Variants in PLA2G4E observed in about 807,000 individuals in gnomAD.
PLA2G4E encodes phospholipase A2 group IVE.
Under a neutral mutation model 109.1 loss-of-function variants are expected in PLA2G4E, and 84 were observed. That is an observed-to-expected ratio of 0.77 (90% confidence interval 0.65 to 0.92). The LOEUF (loss-of-function observed/expected upper bound fraction) is 0.92. Ranked by LOEUF, PLA2G4E falls within the 40% of genes least tolerant of loss-of-function variation. PLA2G4E has a pLI of 0.00. For synonymous variants in PLA2G4E, 469 were observed against 436.1 expected (o/e 1.08, Z -0.94); for missense variants, 1,057 against 1,076.6 (o/e 0.98, Z 0.25).
At chr15:42,019,182 C>T (rs894453298) in intron 1 of PLA2G4E, among the ~76,000 whole-genome samples, 19 of 152,328 alleles carry the variant, frequency 1.2e-4, no homozygotes, top group African/African-American at 4.6e-4. Flanking sequence ...ATGTACAGCA[C>T]CAGCTAGCAG....
intron 1 of PLA2G4E, among the ~76,000 whole-genome samples, chr15:42,040,322 G>A (rs564440270): frequency 3.7e-4 from 57 of 152,242 alleles, no homozygotes; most frequent in Non-Finnish European, 7.1e-4. Flanking sequence ...ATTAACAGGG[G>A]AAGGACAGGT....
intron 1 of PLA2G4E, among the ~76,000 whole-genome samples, chr15:42,024,579 G>A (rs922891962): frequency 6.6e-6 from 1 of 152,126 alleles, no homozygotes; most frequent in Non-Finnish European, 1.5e-5. Context: ...CCCAGTGGAT[G>A]CCACTCCCCT....
chr15:42,020,015 C>T (rs950360277), intron 1 of PLA2G4E, among the ~76,000 whole-genome samples: 9 of 152,358 alleles, frequency 5.9e-5, no homozygotes, highest in Admixed American at 5.2e-4. Flanking sequence ...GGTGGCCAGA[C>T]GCCCTTCCAG....
In PLA2G4E at chr15:42,005,994, G is replaced by A. The variant is rs763377151; in HGVS notation, c.521C>T (p.Pro174Leu). The change falls in exon 4 of 20, where the codon CCG becomes CTG. Residue 174 changes from proline (P) to leucine (L), a missense_variant. Coordinates refer to ENST00000399518, the Ensembl canonical transcript of PLA2G4E. ...GGGCCTGTACCCTGCACCCACCTGC[G>A]GGTTGAGTGGAAACTTCACGTGGGT... The A allele has an allele frequency of 4.7e-5, 76 of 1,613,674 alleles. No homozygotes were observed. The highest frequency in any genetic ancestry group is 5.9e-5 in the Non-Finnish European group (70 of 1,179,746).
At chr15:42,035,488 C>G (rs1394939452) in intron 1 of PLA2G4E, among the ~76,000 whole-genome samples, 1 of 152,224 alleles carries the variant, frequency 6.6e-6, no homozygotes, top group Non-Finnish European at 1.5e-5. Flanking sequence ...GAGAGGCAAC[C>G]ATGCTTTCCC....
exon 17 of PLA2G4E, chr15:41,987,333 T>C: frequency 6.2e-7 from 1 of 1,613,934 alleles, no homozygotes; most frequent in Non-Finnish European, 8.5e-7. Context: ...CTCCAGGATG[T>C]TAGCATCACA....
intron 1 of PLA2G4E, among the ~76,000 whole-genome samples, chr15:42,016,891 A>G (rs113189388): frequency 2.2e-4 from 33 of 152,242 alleles, no homozygotes; most frequent in African/African-American, 6.8e-4. Flanking sequence ...AGCCATGCAC[A>G]CTGCTTCTCT....
intron 14 of PLA2G4E, 58 bp downstream of exon 14, chr15:41,990,063 G>T: frequency 1.4e-6 from 2 of 1,398,072 alleles, no homozygotes; most frequent in Non-Finnish European, 1.0e-6. Flanking sequence ...GGGTGCTTTT[G>T]CCCACCAAGA....
At chr15:41,994,493 G>C (rs1276881879) in intron 12 of PLA2G4E, among the ~76,000 whole-genome samples, 1 of 152,130 alleles carries the variant, frequency 6.6e-6, no homozygotes, top group Non-Finnish European at 1.5e-5. Flanking sequence ...GCCACGCAGG[G>C]TTTTGATGGG....
In PLA2G4E at chr15:41,987,942, TCACCCAGCCATGAGGGAAAG is replaced by T. The variant is rs2068172288; in HGVS notation, c.1831+87_1831+106del. 9 of 489,168 alleles carry T rather than the reference TCACCCAGCCATGAGGGAAAG, an allele frequency of 1.8e-5. No homozygotes were observed. In the African/African-American group the frequency reaches 2.0e-4, roughly 11 times the overall value. The allele number at this position is 489,168 out of a possible 1,614,324, so 30.3% of individuals were successfully genotyped here. A position where few individuals can be genotyped will look rare whatever the true frequency, so the allele number is the denominator to read the frequency against. On this transcript the variant is annotated intron_variant, in intron 16 of 19. Transcript: ENST00000399518. ...AGGGAAAGCCGGGGGCCGCCCCCCA[TCACCCAGCCATGAGGGAAAG>T]CCGGGGGCCGCCCCCCATCACCCAG...
intron 1 of PLA2G4E, among the ~76,000 whole-genome samples, chr15:42,021,765 T>G (rs1368480657): frequency 6.6e-6 from 1 of 152,194 alleles, no homozygotes; most frequent in Non-Finnish European, 1.5e-5. Flanking sequence ...CAGCTTTGCC[T>G]GTTCTGCTGC....
chr15:41,987,225 C>T lies in PLA2G4E; in HGVS notation c.1982G>A (p.Gly661Glu), dbSNP rs2068156354. Reference sequence around the variant, plus strand: ...GAGGTAGTTGGTGTGCAGCTGCAGCCCAGACAGGAAGTTGTGAAACTCAGA... The same window carrying T: ...GAGGTAGTTGGTGTGCAGCTGCAGCTCAGACAGGAAGTTGTGAAACTCAGA... Residue 661 changes from glycine to glutamate, a missense_variant, in exon 17 of 20, where the codon GGG (glycine) becomes GAG (glutamate). Coordinates refer to ENST00000399518, the Ensembl canonical transcript of PLA2G4E. 1.9e-6 allele frequency: 3 copies of T among 1,613,852 alleles called. No homozygotes were observed. Among genetic ancestry groups the T allele is most frequent in the Non-Finnish European group, 2.5e-6 (3 of 1,179,902 alleles).
intron 1 of PLA2G4E, among the ~76,000 whole-genome samples, chr15:42,030,538 A>T (rs1451716737): frequency 6.6e-6 from 1 of 152,220 alleles, no homozygotes. Flanking sequence ...AGAAATCTGC[A>T]CGTTTGTGGA....
intron 6 of PLA2G4E, 80 bp downstream of exon 6, chr15:42,002,574 T>A (rs2068432586): frequency 6.9e-7 from 1 of 1,450,030 alleles, no homozygotes; most frequent in East Asian, 2.5e-5. Context: ...GGCCCACTGT[T>A]TTCTCCCTTG....
chr15:42,007,968 G>T, intron 2 of PLA2G4E, 103 bp from the exon 3 acceptor site: 3 of 1,279,340 alleles, frequency 2.3e-6, no homozygotes, highest in Non-Finnish European at 3.3e-6. Flanking sequence ...CCCCATCTCA[G>T]CTCCAGTTCC....
intron 2 of PLA2G4E, among the ~76,000 whole-genome samples, chr15:42,013,379 G>T (rs1339529748): frequency 6.6e-6 from 1 of 152,236 alleles, no homozygotes; most frequent in Non-Finnish European, 1.5e-5. Context: ...AAGAGAGAGT[G>T]GGGAGGAGAC....
rs2068563050 is a variant in PLA2G4E at position 42,013,897 on chromosome 15, T to G, written c.184-140A>C. On this transcript the variant is annotated intron_variant, in intron 1 of 19. Transcript: ENST00000399518. ...CCCTAGGCTGGTTTTTTTTTTTTTT[T>G]TTTTTTTTTTTTTTACAGAGTTTCA... 9.7e-6 allele frequency: 6 copies of G among 617,164 alleles called. No homozygotes were observed. The East Asian group carries it at 1.5e-4, about 15-fold the overall frequency. The allele number at this position is 617,164 out of a possible 1,614,324, so 38.2% of individuals were successfully genotyped here.
Position 41,994,127 on chromosome 15 carries a change from T to C in PLA2G4E, c.1248-1168A>G, listed in dbSNP as rs377599333. On this transcript the variant is annotated intron_variant, in intron 12 of 19. Coordinates refer to ENST00000399518, the Ensembl canonical transcript of PLA2G4E. ...GTTCAAATTCTACTCCACTGCTCAT[T>C]AACTGAGTGTCCCTGGCAAATTACT... 3.2e-4 allele frequency among the ~76,000 whole-genome samples: 48 copies of C among 152,316 alleles called. 1 individual carries two copies. In the South Asian group the frequency reaches 1.0e-2, roughly 32 times the overall value.
chr15:42,007,958 C>G, intron 2 of PLA2G4E, 93 bp from the exon 3 acceptor site: 3 of 1,375,874 alleles, frequency 2.2e-6, no homozygotes, highest in Non-Finnish European at 3.0e-6. Flanking sequence ...CAGAGCCAGG[C>G]CCCATCTCAG....
Sources: allele counts gnomAD v4.1 joint callset (sites outside exome capture counted in the v4.1 genomes callset), GRCh38; gene constraint gnomAD v4.1.1; transcripts MANE v1.5; gene names NCBI Gene and HGNC (gene_info 2026-07-23, HGNC 2026-07-21).